RFTN1: variants seen among roughly 807,000 people sequenced by gnomAD.
The protein encoded by RFTN1 is raftlin, lipid raft linker 1.
In RFTN1, 26 loss-of-function variants were observed where a neutral mutation model predicts 46.5. The ratio of observed to expected loss-of-function variants is 0.56; its 90% confidence interval spans 0.41 to 0.78. The LOEUF is 0.78. RFTN1 is among the 30% of genes least tolerant of loss of function. The pLI is 0.00. For missense variants in RFTN1, 693 were observed against 718.7 expected (o/e 0.96, Z 0.41); for synonymous variants, 261 against 284.2 (o/e 0.92, Z 0.82).
At chr3:16,491,778 CAA>C (rs375549645) in intron 2 of RFTN1, among the ~76,000 whole-genome samples, 1 of 144,912 alleles carries the variant, frequency 6.9e-6, no homozygotes, top group Non-Finnish European at 1.5e-5. Context: ...ACAAAACAAA[CAA>C]AAAAAAAAAA....
rs146397497 is a variant in RFTN1 at position 16,331,334 on chromosome 3, G to A, written c.1147-4458C>T. 1.4e-4 allele frequency among the ~76,000 whole-genome samples: 21 copies of A among 152,284 alleles called. No individual in the cohort carries two copies. The East Asian group carries it at 3.9e-3, about 28-fold the overall frequency. On this transcript the variant is annotated intron_variant, in intron 7 of 9. Coordinates refer to ENST00000334133, the MANE Select transcript of RFTN1 (RefSeq NM_015150.2). ...TAATTTTCTACCATGGGAAATAAAG[G>A]TTTAGTGCTCCCATAAACATTTCTT...
At chr3:16,354,882 C>T (rs1258822878) in intron 7 of RFTN1, among the ~76,000 whole-genome samples, 2 of 152,236 alleles carry the variant, frequency 1.3e-5, no homozygotes, top group Non-Finnish European at 2.9e-5. Flanking sequence ...GTTCGTCCCT[C>T]TTTGGTTCTG....
intron 8 of RFTN1, 56 bp from the exon 9 acceptor site, chr3:16,323,513 C>G: frequency 7.8e-7 from 1 of 1,278,294 alleles, no homozygotes; most frequent in Non-Finnish European, 1.1e-6. Flanking sequence ...AACCCAAAAC[C>G]TGACACAGAT....
rs753788686 is a variant in RFTN1 at position 16,353,572 on chromosome 3, G to C, written c.1146+4360C>G. On this transcript the variant is annotated intron_variant, in intron 7 of 9. Transcript: ENST00000334133. This position sits in a 1 kb window ranked among gnomAD's most constrained non-coding sequence, Gnocchi z 5.4. ...GCCCCATCTCAGAGCCACCGTTAAAGACTAAATGTTTTCTATCCTCCCACA... is the reference window on the plus strand; with the variant it reads ...GCCCCATCTCAGAGCCACCGTTAAACACTAAATGTTTTCTATCCTCCCACA... Among the ~76,000 whole-genome samples the C allele has an allele frequency of 3.3e-5, 5 of 152,178 alleles. No individual in the cohort carries two copies. The highest frequency in any genetic ancestry group is 7.4e-5 in the Non-Finnish European group (5 of 68,020).
At chr3:16,454,768 T>TAG (rs1559355738) in intron 2 of RFTN1, 3 of 985,248 alleles carry the variant, frequency 3.0e-6, no homozygotes, top group Non-Finnish European at 3.6e-6. Context: ...AGGCACCATC[T>TAG]AGCACTCACC....
chr3:16,508,913 A>G (rs1318072758), intron 1 of RFTN1, among the ~76,000 whole-genome samples: 1 of 152,194 alleles, frequency 6.6e-6, no homozygotes, highest in Admixed American at 6.5e-5. Flanking sequence ...TATCCAATTC[A>G]GTAGCCACTA....
In RFTN1 at chr3:16,402,770, G is replaced by T. The variant is rs1038680002; in HGVS notation, c.441+6605C>A. On this transcript the variant is annotated intron_variant, in intron 4 of 9. Coordinates refer to ENST00000334133, the MANE Select transcript of RFTN1 (RefSeq NM_015150.2). This position sits in a 1 kb window ranked among gnomAD's most constrained non-coding sequence, Gnocchi z 4.5. ...GGTTGAGGCATAAGTAGCATCATTC[G>T]GTTTTCTGAAGGACAATGTACTCGG... 6.6e-6 allele frequency among the ~76,000 whole-genome samples: 1 copy of T among 152,062 alleles called. No homozygotes were observed. The highest frequency in any genetic ancestry group is 1.5e-5 in the Non-Finnish European group (1 of 68,024).
chr3:16,390,692 T>C (rs960099029), intron 4 of RFTN1, among the ~76,000 whole-genome samples: 8 of 152,208 alleles, frequency 5.3e-5, no homozygotes, highest in African/African-American at 1.7e-4. Flanking sequence ...CTCCTGTGCT[T>C]GAAACTTAAA....
intron 4 of RFTN1, among the ~76,000 whole-genome samples, chr3:16,392,892 G>C (rs1256262141): frequency 1.3e-5 from 2 of 152,094 alleles, no homozygotes; most frequent in African/African-American, 4.8e-5. Flanking sequence ...GAAAATGTGT[G>C]AGTCTCCTAA....
chr3:16,326,984 G>C lies in RFTN1; in HGVS notation c.1147-108C>G, dbSNP rs1209534063. 6.5e-6 allele frequency: 5 copies of C among 769,658 alleles called. No individual in the cohort carries two copies. In the African/African-American group the frequency reaches 7.0e-5, roughly 11 times the overall value. 47.7% of individuals were successfully genotyped at this position (769,658 alleles called of 1,614,324 possible). A position where few individuals can be genotyped will look rare whatever the true frequency, so the allele number is the denominator to read the frequency against. ...ATCCGCAAAACAGAAAAGAAGTGGC[G>C]GTGCCCGGCCACTCAGAGGCTCCTG... On this transcript the variant is annotated intron_variant, in intron 7 of 9. Coordinates refer to ENST00000334133, the MANE Select transcript of RFTN1 (RefSeq NM_015150.2).
At chr3:16,455,819 G>A (rs1350792567) in intron 2 of RFTN1, among the ~76,000 whole-genome samples, 1 of 152,062 alleles carries the variant, frequency 6.6e-6, no homozygotes, top group East Asian at 1.9e-4. Flanking sequence ...ATTCTACATC[G>A]GCTGTTCTGT....
In RFTN1 at chr3:16,323,435, G is replaced by C; in HGVS notation, c.1273C>G (p.Gln425Glu). 1 of 1,612,518 alleles carries C rather than the reference G, an allele frequency of 6.2e-7. No homozygotes were observed. Among genetic ancestry groups the C allele is most frequent in the Non-Finnish European group, 8.5e-7 (1 of 1,178,648 alleles). ...CAAGGTCTCTGAAGAAAGACAATCT[G>C]CTTGGTGGATACACTCCCCTCGCTG... ...TTSEGSVSTKQIVFLQRPCLP... is the reference protein window; with the variant it reads ...TTSEGSVSTKEIVFLQRPCLP... Residue 425 changes from glutamine to glutamate, a missense_variant, in exon 9 of 10, where the codon CAG (glutamine) becomes GAG (glutamate). Gln to Glu is a conservative substitution (Grantham distance 29, BLOSUM62 2). Transcript: ENST00000334133.
At chr3:16,323,971 C>T (rs569122882) in intron 8 of RFTN1, among the ~76,000 whole-genome samples, 2 of 152,328 alleles carry the variant, frequency 1.3e-5, no homozygotes, top group Admixed American at 1.3e-4. Flanking sequence ...AAGGCAGTGC[C>T]TGTTAACCAG....
At chr3:16,403,844 A>T (rs2074701291) in intron 4 of RFTN1, among the ~76,000 whole-genome samples, 1 of 8,696 alleles carries the variant, frequency 1.1e-4, no homozygotes, top group African/African-American at 6.9e-4. Context: ...AATATAATAT[A>T]ATATATATTT....
At chr3:16,453,019 A>G (rs557919497) in intron 2 of RFTN1, among the ~76,000 whole-genome samples, 30 of 152,346 alleles carry the variant, frequency 2.0e-4, no homozygotes, top group South Asian at 1.2e-3. Flanking sequence ...GCTACCTTCC[A>G]TTGGACATAT....
chr3:16,350,003 G>C (rs967562452), intron 7 of RFTN1: 1 of 152,014 alleles, frequency 6.6e-6, no homozygotes, highest in Non-Finnish European at 1.5e-5. Flanking sequence ...GAAGGGTAAT[G>C]TGCTTTACTC....
At position 16,457,902 on chromosome 3, in the gene RFTN1, C is replaced by A. The variant is rs1457284150; in HGVS notation, c.146-23865G>T. ...TCAGCCCTTATGAGTGGATTAATAT[C>A]ATTATAAAAGGGTTTCACAGACAGA... is the stretch of plus-strand genomic sequence containing the variant. On this transcript the variant is annotated intron_variant, in intron 2 of 9. Transcript: ENST00000334133. The surrounding 1 kb of genome is among the most constrained non-coding windows in gnomAD (Gnocchi z 4.2). Among the ~76,000 whole-genome samples the A allele has an allele frequency of 1.3e-5, 2 of 152,110 alleles. No individual in the cohort carries two copies. Among genetic ancestry groups the A allele is most frequent in the Non-Finnish European group, 2.9e-5 (2 of 68,014 alleles).
chr3:16,511,278 T>C (rs1180629444), intron 1 of RFTN1, among the ~76,000 whole-genome samples: 1 of 152,252 alleles, frequency 6.6e-6, no homozygotes, highest in East Asian at 1.9e-4. Context: ...TATATGTATA[T>C]AAATTTTATC....
At chr3:16,328,821 A>G (rs1357845498) in intron 7 of RFTN1, among the ~76,000 whole-genome samples, 2 of 152,030 alleles carry the variant, frequency 1.3e-5, no homozygotes, top group Non-Finnish European at 2.9e-5. Context: ...TGGCAAAAGA[A>G]AAGTCTGTAA....
Sources: gnomAD v4.1 joint callset for allele counts (sites outside exome capture counted in the v4.1 genomes callset) on GRCh38, gnomAD v4.1.1 for gene constraint, Gnocchi (gnomAD v3.1) non-coding constraint, MANE v1.5 for transcripts, NCBI Gene and HGNC (gene_info 2026-07-23, HGNC 2026-07-21) for gene names.